ITPA: variants seen among roughly 807,000 people sequenced by gnomAD.
ITPA encodes the protein inosine triphosphatase.
A neutral mutation model predicts 29.6 loss-of-function variants in ITPA; 29 were observed. The ratio of observed to expected loss-of-function variants is 0.98; its 90% CI spans 0.73 to 1.34. ITPA has a LOEUF of 1.34. ITPA is among the 40% of genes most tolerant of loss of function. The pLI is 0.00. For missense variants in ITPA, 241 were observed against 251.5 expected (o/e 0.96, Z 0.28); for synonymous variants, 103 against 99.3 (o/e 1.04, Z -0.22).
chr20:3,221,690 T>C (rs2067466915), intron 6 of ITPA, 151 bp from the exon 7 acceptor site: 1 of 717,954 alleles, frequency 1.4e-6, no homozygotes, highest in Admixed American at 2.0e-5. Context: ...TCAGCAAACA[T>C]TTGCAGGTGC....
chr20:3,226,396 C>T (rs905694741), downstream of ITPA, among the ~76,000 whole-genome samples: 3 of 152,192 alleles, frequency 2.0e-5, no homozygotes, highest in Admixed American at 6.5e-5. The surrounding 1 kb of genome is among the most constrained non-coding windows in gnomAD (Gnocchi z 4.4). Context: ...ACACTCGCTA[C>T]CCGTCCCCAG....
chr20:3,204,465 G>A (rs1386087277), upstream of ITPA: 5 of 1,452,694 alleles, frequency 3.4e-6, no homozygotes, highest in Non-Finnish European at 4.6e-6. Context: ...GAGCCGCGGC[G>A]CGACGGTCCA....
Position 3,223,409 on chromosome 20 carries a change from C to A in ITPA, c.532C>A (p.Arg178Ser). Residue 178 changes from arginine to serine, a missense_variant, in exon 8 of 8, where the codon CGC becomes AGC. By Grantham distance (110) the Arg-to-Ser change is moderately radical. Coordinates refer to ENST00000380113, the MANE Select transcript of ITPA (RefSeq NM_033453.4). ...PKAEKNAVSHRFRALLELQEY... is the reference protein window; with the variant it reads ...PKAEKNAVSHSFRALLELQEY... ...GGCGGAGAAGAACGCTGTCTCCCAT[C>A]GCTTCCGGGCCCTGCTGGAGCTGCA... 3.7e-6 allele frequency: 6 copies of A among 1,613,940 alleles called. No homozygotes were observed. The highest frequency in any genetic ancestry group is 5.1e-6 in the Non-Finnish European group (6 of 1,180,010).
chr20:3,204,743 C>T (rs2067059202), upstream of ITPA: 1 of 1,007,444 alleles, frequency 9.9e-7, no homozygotes, highest in Non-Finnish European at 1.4e-6. Flanking sequence ...CCCAGCGGCA[C>T]ATCACAGAGA....
intron 5 of ITPA, among the ~76,000 whole-genome samples, chr20:3,215,837 C>G (rs1319746852): frequency 6.6e-6 from 1 of 151,962 alleles, no homozygotes; most frequent in Non-Finnish European, 1.5e-5. Context: ...AGGCGCCCAC[C>G]ACCACGCCCT....
upstream of ITPA, among the ~76,000 whole-genome samples, chr20:3,205,218 G>A (rs534501957): frequency 5.9e-4 from 90 of 152,250 alleles, no homozygotes; most frequent in African/African-American, 2.0e-3. Context: ...GAAAAAGTAC[G>A]AAAAGAGGCT....
chr20:3,212,369 G>A (rs995696514), intron 1 of ITPA, among the ~76,000 whole-genome samples: 3 of 150,268 alleles, frequency 2.0e-5, no homozygotes, highest in African/African-American at 4.9e-5. Flanking sequence ...GCCTAAGGCT[G>A]GAGTGCAATG....
downstream of ITPA, among the ~76,000 whole-genome samples, chr20:3,226,927 G>A (rs902206752): frequency 5.3e-5 from 8 of 151,956 alleles, no homozygotes; most frequent in African/African-American, 1.7e-4. The surrounding 1 kb of genome is among the most constrained non-coding windows in gnomAD (Gnocchi z 4.4). Context: ...TTCCCACCCC[G>A]TGTCCTGCCG....
At chr20:3,208,397 C>T (rs6051644), upstream of ITPA, among the ~76,000 whole-genome samples, 114,017 of 152,048 alleles carry the variant, frequency 0.75, 43,569 homozygotes, top group African/African-American at 0.88. Flanking sequence ...CTTTTTCAGA[C>T]GCAGTTTTGC....
intron 6 of ITPA, 162 bp downstream of exon 6, chr20:3,218,794 T>C (rs1391568466): frequency 4.1e-5 from 28 of 684,996 alleles, no homozygotes; most frequent in South Asian, 2.7e-4. Flanking sequence ...TAGGTAGAAG[T>C]GCTGTGGATC....
chr20:3,207,937 G>A (rs143442249), upstream of ITPA, among the ~76,000 whole-genome samples: 3,691 of 149,152 alleles, frequency 0.025, 148 homozygotes, highest in African/African-American at 0.086. Context: ...AGAGGTTGCA[G>A]TGAGCCAAGA....
At chr20:3,212,820 C>T (rs2067203521) in intron 1 of ITPA, among the ~76,000 whole-genome samples, 1 of 151,862 alleles carries the variant, frequency 6.6e-6, no homozygotes, top group Admixed American at 6.6e-5. Context: ...TTTTTTTTCC[C>T]AATCCATGTT....
At chr20:3,204,649 C>G, upstream of ITPA, 4 of 1,559,970 alleles carry the variant, frequency 2.6e-6, no homozygotes, top group Non-Finnish European at 2.6e-6. Flanking sequence ...CAGTGCAGAA[C>G]CACTGCGTCC....
At chr20:3,207,988 T>A (rs1423152714), upstream of ITPA, among the ~76,000 whole-genome samples, 6 of 106,386 alleles carry the variant, frequency 5.6e-5, no homozygotes, top group Admixed American at 6.4e-4. Flanking sequence ...AGAGCAAGAC[T>A]CCGTCTCAAA....
At chr20:3,213,698 G>T (rs554151084) in intron 3 of ITPA, among the ~76,000 whole-genome samples, 1 of 152,132 alleles carries the variant, frequency 6.6e-6, no homozygotes, top group African/African-American at 2.4e-5. Context: ...ACACATGTTC[G>T]TGGAACTGAG....
downstream of ITPA, among the ~76,000 whole-genome samples, chr20:3,225,585 C>G (rs1344552991): frequency 6.6e-6 from 1 of 152,168 alleles, no homozygotes; most frequent in African/African-American, 2.4e-5. Flanking sequence ...TGCCCCTTCC[C>G]CCACACCTCG....
chr20:3,207,696 A>AAACAACAACAACAAC (rs369887745), upstream of ITPA, among the ~76,000 whole-genome samples: 8,191 of 150,624 alleles, frequency 0.054, 304 homozygotes, highest in Non-Finnish European at 0.076. Context: ...CTCCATCTCA[A>AAACAACAACAACAAC]AACAACAACA....
upstream of ITPA, among the ~76,000 whole-genome samples, chr20:3,205,039 T>TG (rs1288997365): frequency 2.0e-5 from 3 of 151,722 alleles, no homozygotes; most frequent in African/African-American, 7.3e-5. Context: ...TTAGTAGAGA[T>TG]GGGGGTTTCA....
chr20:3,210,473 G>T (rs1315093866), intron 1 of ITPA, among the ~76,000 whole-genome samples: 1 of 152,176 alleles, frequency 6.6e-6, no homozygotes, highest in African/African-American at 2.4e-5. Context: ...ATGGAGTGGG[G>T]GTCATGTGTG....
Sources: gnomAD v4.1 joint callset for allele counts (sites outside exome capture counted in the v4.1 genomes callset) on GRCh38, gnomAD v4.1.1 for gene constraint, Gnocchi (gnomAD v3.1) non-coding constraint, MANE v1.5 for transcripts, NCBI Gene and HGNC (gene_info 2026-07-23, HGNC 2026-07-21) for gene names.